PFKP: variants seen among roughly 807,000 people sequenced by gnomAD.
The protein encoded by PFKP is ATP-dependent 6-phosphofructokinase, platelet type.
PFKP carries 101 observed loss-of-function variants against 94.3 expected under a neutral mutation model. The observed-to-expected ratio is 1.07, with a 90% CI of 0.91 to 1.26. The LOEUF is 1.26. PFKP is among the 50% of genes most tolerant of loss of function. The pLI, the probability that PFKP is intolerant of heterozygous loss-of-function variation, is 0.00. For synonymous variants in PFKP, 573 were observed against 432.6 expected, an observed-to-expected ratio of 1.32 and a Z score of -4.03; for missense variants, 1,145 against 1,103.3, an observed-to-expected ratio of 1.04 and a Z score of -0.53.
chr10:3,082,528 G>T, intron 2 of PFKP, 67 bp downstream of exon 2: 4 of 1,162,828 alleles, frequency 3.4e-6, no homozygotes, highest in Non-Finnish European at 5.0e-6. Context: ...AGTCACCGGC[G>T]CTCGCTCACC....
intron 1 of PFKP, among the ~76,000 whole-genome samples, chr10:3,078,678 TC>T (rs1222777083): frequency 6.6e-6 from 1 of 152,188 alleles, no homozygotes; most frequent in Admixed American, 6.5e-5. Context: ...GTTGTTACCT[TC>T]CAGTAATCAG....
intron 4 of PFKP, 46 bp downstream of exon 4, chr10:3,101,600 T>G: frequency 1.4e-6 from 2 of 1,381,696 alleles, no homozygotes; most frequent in Non-Finnish European, 1.9e-6. Context: ...TCGCCCTGTT[T>G]CAGAGCTTTG....
At chr10:3,105,620 A>C in intron 7 of PFKP, 119 bp downstream of exon 7, 1 of 712,142 alleles carries the variant, frequency 1.4e-6, no homozygotes, top group Non-Finnish European at 2.5e-6. Context: ...CCAGTTTGTC[A>C]CACTTTGTAT....
chr10:3,104,803 G>C, intron 5 of PFKP: 1 of 454,658 alleles, frequency 2.2e-6, no homozygotes, highest in Non-Finnish European at 3.9e-6. Context: ...CTGGGAAAGA[G>C]CCCAGCACGG....
chr10:3,136,487 C>T lies in PFKP; in HGVS notation c.2263C>T (p.Arg755Trp), dbSNP rs1475442390. Residue 755 changes from arginine (R) to tryptophan (W), a missense_variant, in exon 22 of 22, where the codon CGG (arginine) becomes TGG (tryptophan). By Grantham distance (101) the Arg-to-Trp change is moderately radical (BLOSUM62 -3). Coordinates refer to ENST00000381125, the MANE Select transcript of PFKP (RefSeq NM_002627.5). ...IPKEQWWLKL[R>W]PLMKILAKYK... is the part of the protein sequence containing the mutation. Reference sequence around the variant, plus strand: ...CAAAGAACAGTGGTGGCTCAAGCTACGGCCCCTCATGAAAATCCTGGCCAA... The same window carrying T: ...CAAAGAACAGTGGTGGCTCAAGCTATGGCCCCTCATGAAAATCCTGGCCAA... 1.9e-6 allele frequency: 3 copies of T among 1,613,412 alleles called. No homozygotes were observed. Among genetic ancestry groups the T allele is most frequent in the Non-Finnish European group, 2.5e-6 (3 of 1,179,674 alleles).
intron 2 of PFKP, among the ~76,000 whole-genome samples, chr10:3,087,984 C>CTTTTTTTTTTTTTTTTTTT (rs1224829610): frequency 1.9e-4 from 18 of 96,586 alleles, no homozygotes; most frequent in Non-Finnish European, 2.0e-4. Flanking sequence ...ATCTTTCATT[C>CTTTTTTTTTTTTTTTTTTT]TTTTTTTTTT....
chr10:3,098,660 G>A (rs901900042), intron 2 of PFKP, among the ~76,000 whole-genome samples: 45 of 95,504 alleles, frequency 4.7e-4, no homozygotes, highest in African/African-American at 1.8e-3. Context: ...GTGACAGAGT[G>A]AGACTCCGTC....
intron 5 of PFKP, 48 bp downstream of exon 5, chr10:3,103,992 T>G (rs763684431): frequency 1.3e-6 from 2 of 1,568,816 alleles, no homozygotes; most frequent in Non-Finnish European, 1.7e-6. Flanking sequence ...GCCCGACGTG[T>G]GCCCAGCTCA....
intron 1 of PFKP, chr10:3,069,115 A>G (rs1051805470): frequency 1.2e-5 from 6 of 486,192 alleles, no homozygotes; most frequent in Non-Finnish European, 1.7e-5. Context: ...CGCGCTCCCC[A>G]GGCCCGCAGC....
intron 13 of PFKP, among the ~76,000 whole-genome samples, chr10:3,114,757 A>G (rs4881094): frequency 0.97 from 147,197 of 152,318 alleles, 71,318 homozygotes; most frequent in East Asian, 1. Flanking sequence ...CGGGGGCTCC[A>G]AGCCCGCACA....
chr10:3,068,245 C>T (rs1396682357), intron 1 of PFKP, among the ~76,000 whole-genome samples: 1 of 152,152 alleles, frequency 6.6e-6, no homozygotes, highest in Non-Finnish European at 1.5e-5. Context: ...CCCCGCGCGC[C>T]TCCTGTCGCC....
Position 3,077,679 on chromosome 10 carries a change from G to A in PFKP, c.113-4709G>A, listed in dbSNP as rs570579588. On this transcript the variant is annotated intron_variant, in intron 1 of 21. Coordinates refer to ENST00000381125, the MANE Select transcript of PFKP (RefSeq NM_002627.5). ...GCTCCTCCAAGTAGCCAGGAAATAA[G>A]GGTGACTTAAGTCATGCTTGCTAGG... 4.6e-5 allele frequency among the ~76,000 whole-genome samples: 7 copies of A among 152,298 alleles called. No homozygotes were observed. The East Asian group carries it at 1.4e-3, about 29-fold the overall frequency.
At chr10:3,100,920 G>C in intron 3 of PFKP, 1 of 1,600,170 alleles carries the variant, frequency 6.2e-7, no homozygotes. Flanking sequence ...TTTACTTGCA[G>C]GTGCTGTAAG....
At chr10:3,087,012 G>A (rs968710980) in intron 2 of PFKP, among the ~76,000 whole-genome samples, 6 of 151,948 alleles carry the variant, frequency 3.9e-5, no homozygotes, top group South Asian at 2.1e-4. Flanking sequence ...GCCCTGTGTC[G>A]CCCAGGCTGG....
At position 3,129,720 on chromosome 10, in the gene PFKP, G is replaced by A. The variant is rs143862069; in HGVS notation, c.1684-99G>A. ...ATGCTGGGACCGCATGTTTGGGCGC[G>A]GTGGGGGGGCCTTGCTGCACTCACT... On this transcript the variant is annotated intron_variant, in intron 16 of 21. Coordinates refer to ENST00000381125, the MANE Select transcript of PFKP (RefSeq NM_002627.5). The A allele has an allele frequency of 8.5e-4, 1,086 of 1,284,406 alleles. 4 individuals carry two copies. The African/African-American group carries it at 0.01, about 12-fold the overall frequency. The allele number at this position is 1,284,406 out of a possible 1,614,324, so 79.6% of individuals were successfully genotyped here.
chr10:3,082,878 A>T (rs558899066), intron 2 of PFKP, among the ~76,000 whole-genome samples: 1 of 152,006 alleles, frequency 6.6e-6, no homozygotes, highest in African/African-American at 2.4e-5. Flanking sequence ...CACCCAGCTA[A>T]TTTTTTGTAT....
rs181843618 is a variant in PFKP at position 3,111,473 on chromosome 10, G to A, written c.1090-749G>A. Among the ~76,000 whole-genome samples, 47 of 152,174 alleles carry A rather than the reference G, an allele frequency of 3.1e-4. 1 individual carries two copies. The South Asian group carries it at 6.2e-3, about 20-fold the overall frequency. On this transcript the variant is annotated intron_variant, in intron 10 of 21. Coordinates refer to ENST00000381125, the MANE Select transcript of PFKP (RefSeq NM_002627.5). ...CTCATGTCTCTGCTTGTCTAGAGAC[G>A]ACCGTGGTAGGTGTCACTTGCCCTG...
intron 1 of PFKP, chr10:3,069,397 T>C: frequency 6.3e-7 from 1 of 1,584,198 alleles, no homozygotes; most frequent in Non-Finnish European, 8.6e-7. Flanking sequence ...CGGGTACGAA[T>C]GGAGCCGCCT....
chr10:3,096,901 A>AC (rs1834527002), intron 2 of PFKP, among the ~76,000 whole-genome samples: 1 of 121,602 alleles, frequency 8.2e-6, no homozygotes, highest in Non-Finnish European at 1.8e-5. Flanking sequence ...ACACGGTGAA[A>AC]CCCCGTCTCT....
Sources: allele counts gnomAD v4.1 joint callset (sites outside exome capture counted in the v4.1 genomes callset), GRCh38; gene constraint gnomAD v4.1.1; transcripts MANE v1.5; gene names NCBI Gene and HGNC (gene_info 2026-07-23, HGNC 2026-07-21).